The following PTPRN2 variants were observed in gnomAD, a reference collection of about 807,000 sequenced individuals.
PTPRN2 encodes protein tyrosine phosphatase receptor type N2, also known as receptor-type tyrosine-protein phosphatase N2.
PTPRN2 carries 74 observed loss-of-function variants against 118.8 expected under a neutral mutation model. That is an observed-to-expected ratio of 0.62 (90% CI 0.52 to 0.76). The LOEUF is 0.76. PTPRN2 is among the 30% of genes least tolerant of loss of function. The pLI, the probability that PTPRN2 is intolerant of heterozygous loss-of-function variation, is 0.00. For missense variants in PTPRN2, 1,481 were observed against 1,394.4 expected (o/e 1.06, Z -0.99); for synonymous variants, 641 against 608.0 (o/e 1.05, Z -0.80).
chr7:158,242,225 A>G (rs1178534661), intron 3 of PTPRN2, among the ~76,000 whole-genome samples: 1 of 151,904 alleles, frequency 6.6e-6, no homozygotes, highest in African/African-American at 2.4e-5. Flanking sequence ...TTCCTCTCCC[A>G]TCGTTTATTT....
At position 158,501,915 on chromosome 7, in the gene PTPRN2, C is replaced by T. The variant is rs562824582; in HGVS notation, c.113-12130G>A. 3.3e-5 allele frequency among the ~76,000 whole-genome samples: 5 copies of T among 152,306 alleles called. No homozygotes were observed. The South Asian group carries it at 1.0e-3, about 32-fold the overall frequency. The stretch of plus-strand genomic sequence containing the variant: ...CAGCTCACATCGTGGCTTCTAACCG[C>T]GTCACCATCCTCCTAGCTCTGCGGA... On this transcript the variant is annotated intron_variant, in intron 1 of 22. Coordinates refer to ENST00000389418, the MANE Select transcript of PTPRN2 (RefSeq NM_002847.5).
intron 1 of PTPRN2, among the ~76,000 whole-genome samples, chr7:158,531,092 A>G (rs1209459577): frequency 2.0e-5 from 3 of 152,146 alleles, no homozygotes; most frequent in Non-Finnish European, 4.4e-5. Flanking sequence ...ACCACAACAG[A>G]CTGTGTTCAA....
chr7:158,052,271 T>C (rs1290235508), intron 11 of PTPRN2, among the ~76,000 whole-genome samples: 1 of 152,212 alleles, frequency 6.6e-6, no homozygotes, highest in East Asian at 1.9e-4. Context: ...GTTCTATTCA[T>C]TTGTTGATTG....
In PTPRN2 at chr7:158,133,713, T is replaced by G; in HGVS notation, c.1520A>C (p.Glu507Ala). ...CACGATGTAGCCCCGCGCCTCTTCCTCGGAAGGCTGGACCTCCAATTGCAG... is the reference window on the plus strand; with the variant it reads ...CACGATGTAGCCCCGCGCCTCTTCCGCGGAAGGCTGGACCTCCAATTGCAG... Reference protein sequence around the residue: ...DGLQLEVQPSEEEARGYIVTD... With the variant: ...DGLQLEVQPSAEEARGYIVTD... The change falls in exon 9 of 23, where the codon GAG becomes GCG. Residue 507 changes from glutamate (E) to alanine (A), a missense_variant. Glu to Ala is a moderately radical substitution (Grantham distance 107). Around this residue, in one of 3 missense-constraint regions of PTPRN2, gnomAD observed 1,115 missense variants for 994.2 expected, o/e 1.12. Coordinates refer to ENST00000389418, the MANE Select transcript of PTPRN2 (RefSeq NM_002847.5). 6.8e-6 allele frequency: 11 copies of G among 1,607,732 alleles called. No homozygotes were observed. The highest frequency in any genetic ancestry group is 9.3e-6 in the Non-Finnish European group (11 of 1,176,482).
intron 17 of PTPRN2, among the ~76,000 whole-genome samples, chr7:157,579,430 C>T (rs866995097): frequency 2.3e-4 from 35 of 152,364 alleles, no homozygotes; most frequent in African/African-American, 8.2e-4. Flanking sequence ...CAAATCGGTT[C>T]TTCCATCACA....
intron 12 of PTPRN2, among the ~76,000 whole-genome samples, chr7:157,688,853 C>A (rs915502228): frequency 1.3e-5 from 2 of 152,246 alleles, no homozygotes; most frequent in Admixed American, 1.3e-4. Flanking sequence ...GTCCCTCCCC[C>A]CTCGCCGGTT....
intron 17 of PTPRN2, among the ~76,000 whole-genome samples, chr7:157,579,311 T>C (rs112156438): frequency 1.1e-3 from 172 of 152,322 alleles, no homozygotes; most frequent in African/African-American, 4.0e-3. Context: ...ATAAGAATTA[T>C]GCTCAAATTT....
At chr7:158,352,081 G>A (rs1808013608) in intron 2 of PTPRN2, among the ~76,000 whole-genome samples, 1 of 97,364 alleles carries the variant, frequency 1.0e-5, no homozygotes, top group Admixed American at 1.0e-4. Context: ...CCTCCTGTCC[G>A]CTCCCCTCCT....
At chr7:157,753,737 C>A (rs530935809) in intron 12 of PTPRN2, among the ~76,000 whole-genome samples, 97 of 149,818 alleles carry the variant, frequency 6.5e-4, no homozygotes, top group Middle Eastern at 3.5e-3. Flanking sequence ...AGGCCCCACA[C>A]CTGCCCTAAC....
At chr7:158,059,338 A>G in intron 11 of PTPRN2, among the ~76,000 whole-genome samples, 1 of 135,234 alleles carries the variant, frequency 7.4e-6, no homozygotes, top group Middle Eastern at 3.8e-3. Flanking sequence ...GCATCACTGC[A>G]GCCACACTCC....
intron 2 of PTPRN2, among the ~76,000 whole-genome samples, chr7:158,342,258 C>G (rs62493645): frequency 7.5e-6 from 1 of 133,212 alleles, no homozygotes; most frequent in African/African-American, 3.1e-5. Flanking sequence ...CGCCCGCAGA[C>G]GTCACTCACA....
At chr7:157,553,725 G>T (rs1445498585) in intron 21 of PTPRN2, among the ~76,000 whole-genome samples, 1 of 152,192 alleles carries the variant, frequency 6.6e-6, no homozygotes, top group African/African-American at 2.4e-5. Context: ...CTTAAAAAGT[G>T]TGCAGCACCA....
chr7:157,966,844 C>T (rs1188810020), intron 11 of PTPRN2, among the ~76,000 whole-genome samples: 1 of 152,184 alleles, frequency 6.6e-6, no homozygotes, highest in East Asian at 1.9e-4. Context: ...TCACCATCAT[C>T]ACAATGGTCA....
At chr7:158,131,316 C>T (rs1455031700) in intron 9 of PTPRN2, among the ~76,000 whole-genome samples, 2 of 115,642 alleles carry the variant, frequency 1.7e-5, no homozygotes, top group Non-Finnish European at 3.4e-5. Flanking sequence ...ACACATCTAC[C>T]CCACATACAC....
At chr7:158,585,523 C>T (rs1279797691) in intron 1 of PTPRN2, among the ~76,000 whole-genome samples, 1 of 152,122 alleles carries the variant, frequency 6.6e-6, no homozygotes, top group Non-Finnish European at 1.5e-5. Flanking sequence ...TGATCAGAGC[C>T]GAGGGAAACA....
At chr7:158,122,395 T>C (rs950942747) in intron 9 of PTPRN2, among the ~76,000 whole-genome samples, 4 of 152,198 alleles carry the variant, frequency 2.6e-5, no homozygotes, top group Non-Finnish European at 5.9e-5. Context: ...GAAGTGACAG[T>C]GTCCCTCTTC....
chr7:157,617,430 C>G lies in PTPRN2; in HGVS notation c.2344+3932G>C, dbSNP rs1802856371. On this transcript the variant is annotated intron_variant, in intron 15 of 22. Transcript: ENST00000389418. The surrounding 1 kb of genome is among the most constrained non-coding windows in gnomAD (Gnocchi z 7.5). ...CCCCAGTGATGCCGTGGTTAGGACGCCGTTCACGCAGCTGCAGCGCAGAGC... is the reference window on the plus strand; with the variant it reads ...CCCCAGTGATGCCGTGGTTAGGACGGCGTTCACGCAGCTGCAGCGCAGAGC... The G allele has an allele frequency of 6.8e-6, 1 of 147,896 alleles. No individual in the cohort carries two copies. Among genetic ancestry groups the G allele is most frequent in the East Asian group, 2.0e-4 (1 of 4,990 alleles). The allele number at this position is 147,896 out of a possible 1,614,324, so 9.2% of individuals were successfully genotyped here. A position where few individuals can be genotyped will look rare whatever the true frequency, so the allele number is the denominator to read the frequency against.
At chr7:158,474,900 T>A (rs528979754) in intron 2 of PTPRN2, among the ~76,000 whole-genome samples, 34 of 152,168 alleles carry the variant, frequency 2.2e-4, no homozygotes, top group Non-Finnish European at 4.4e-4. Flanking sequence ...CACACTGCGT[T>A]CTGCAGACAT....
At chr7:157,940,857 CCACA>C in intron 11 of PTPRN2, among the ~76,000 whole-genome samples, 1 of 80,664 alleles carries the variant, frequency 1.2e-5, no homozygotes, top group Non-Finnish European at 2.1e-5. Flanking sequence ...ACACTCTCCC[CCACA>C]ACACTGCAAA....
Sources: gnomAD v4.1 joint callset for allele counts (sites outside exome capture counted in the v4.1 genomes callset) on GRCh38, gnomAD v4.1.1 for gene constraint, gnomAD v4.1.1 regional missense constraint, Gnocchi (gnomAD v3.1) non-coding constraint, MANE v1.5 for transcripts, NCBI Gene and HGNC (gene_info 2026-07-23, HGNC 2026-07-21) for gene names.